Variants in DOCK11 observed in about 807,000 individuals in gnomAD.
DOCK11 encodes dedicator of cytokinesis protein 11.
A neutral mutation model predicts 169.1 loss-of-function variants in DOCK11; 70 were observed. That is an observed-to-expected ratio of 0.41 (90% CI 0.34 to 0.51). DOCK11 has a LOEUF of 0.51. DOCK11 is among the 20% of genes least tolerant of loss of function. DOCK11 has a pLI of 0.10. For missense variants in DOCK11, 1,166 were observed against 1,538.8 expected, an observed-to-expected ratio of 0.76 and a Z score of 4.05; for synonymous variants, 529 against 541.3, an observed-to-expected ratio of 0.98 and a Z score of 0.32.
At chrX:118,648,025 A>G (rs2015811313) in intron 40 of DOCK11, among the ~76,000 whole-genome samples, 1 of 55,006 alleles carries the variant, frequency 1.8e-5, no homozygotes, top group Non-Finnish European at 3.1e-5. Flanking sequence ...AATATAAATT[A>G]TAATATTATA....
At chrX:118,526,410 G>A (rs949360708) in intron 1 of DOCK11, among the ~76,000 whole-genome samples, 3 of 112,405 alleles carry the variant, frequency 2.7e-5, no homozygotes, top group African/African-American at 9.7e-5. Context: ...AGGAACTCTG[G>A]CCAAGGGTCC....
chrX:118,509,232 G>T (rs1250326190), intron 1 of DOCK11, among the ~76,000 whole-genome samples: 1 of 110,546 alleles, frequency 9.0e-6, no homozygotes, highest in Non-Finnish European at 1.9e-5. Flanking sequence ...ATATGACTGA[G>T]CCCAGCACAG....
chrX:118,674,107 G>C (rs1283278686), intron 46 of DOCK11, among the ~76,000 whole-genome samples: 1 of 111,808 alleles, frequency 8.9e-6, no homozygotes, highest in Non-Finnish European at 1.9e-5. Context: ...TACTCAGCCT[G>C]TGATATTATA....
chrX:118,513,439 C>T (rs1036519251), intron 1 of DOCK11, among the ~76,000 whole-genome samples: 3 of 111,462 alleles, frequency 2.7e-5, no homozygotes, highest in African/African-American at 9.8e-5. Flanking sequence ...GAGGTTCTAT[C>T]TGGAATTATG....
chrX:118,546,201 G>C, intron 6 of DOCK11, 85 bp downstream of exon 6: 13 of 53,103 alleles, frequency 2.4e-4, no homozygotes, highest in East Asian at 1.0e-3. Context: ...ATTTTACAAA[G>C]AGCCCTAGCA....
At chrX:118,599,930 G>C (rs2014282603) in intron 23 of DOCK11, among the ~76,000 whole-genome samples, 1 of 112,156 alleles carries the variant, frequency 8.9e-6, no homozygotes, top group East Asian at 2.8e-4. Flanking sequence ...TTCTTTCAGA[G>C]AGGTAGTATG....
At chrX:118,590,396 C>A in intron 19 of DOCK11, 94 bp downstream of exon 19, 1 of 723,399 alleles carries the variant, frequency 1.4e-6, no homozygotes, top group Non-Finnish European at 2.1e-6. Context: ...CACTTTCAAT[C>A]CCTGAGTGTT....
chrX:118,545,517 G>T, intron 5 of DOCK11, 125 bp downstream of exon 5: 2 of 526,830 alleles, frequency 3.8e-6, no homozygotes, highest in Non-Finnish European at 5.7e-6. Context: ...AATGATCTGT[G>T]GCCAGCTTTC....
chrX:118,577,215 C>T, intron 12 of DOCK11, among the ~76,000 whole-genome samples: 1 of 112,275 alleles, frequency 8.9e-6, no homozygotes, highest in Non-Finnish European at 1.9e-5. Flanking sequence ...ACTCAAGGTG[C>T]ACTGCTCAGC....
chrX:118,590,490 A>AC (rs2013959463), intron 19 of DOCK11, among the ~76,000 whole-genome samples, 188 bp downstream of exon 19: 1 of 110,668 alleles, frequency 9.0e-6, no homozygotes, highest in Non-Finnish European at 1.9e-5. Flanking sequence ...TAGAAGATTT[A>AC]CCCCCCAATT....
intron 12 of DOCK11, among the ~76,000 whole-genome samples, chrX:118,576,574 T>C (rs999565846): frequency 1.4e-4 from 16 of 111,908 alleles, no homozygotes; most frequent in Non-Finnish European, 1.3e-4. Flanking sequence ...CTCCAAGGGC[T>C]GTGGGGAGGC....
chrX:118,573,733 T>C, intron 11 of DOCK11, 73 bp from the exon 12 acceptor site: 1 of 859,964 alleles, frequency 1.2e-6, no homozygotes, highest in Non-Finnish European at 1.6e-6. Flanking sequence ...AAAACTTATT[T>C]TGCACTTGTG....
intron 45 of DOCK11, among the ~76,000 whole-genome samples, chrX:118,666,508 T>C (rs905194048): frequency 8.9e-6 from 1 of 111,758 alleles, no homozygotes; most frequent in Admixed American, 9.5e-5. Context: ...TACCTTTTTT[T>C]AATCTGGCTT....
intron 39 of DOCK11, among the ~76,000 whole-genome samples, chrX:118,642,013 A>C (rs987784984): frequency 2.7e-5 from 3 of 111,444 alleles, no homozygotes; most frequent in African/African-American, 9.8e-5. Flanking sequence ...GTGCTTTTCA[A>C]AGAGGCTTAT....
At chrX:118,614,863 A>G in intron 29 of DOCK11, 88 bp downstream of exon 29, 3 of 688,171 alleles carry the variant, frequency 4.4e-6, no homozygotes, top group Non-Finnish European at 6.6e-6. Context: ...GGGATTAGGA[A>G]CTGTTGTTTT....
At chrX:118,670,878 G>A (rs903240874) in intron 45 of DOCK11, 145 bp from the exon 46 acceptor site, 9 of 375,497 alleles carry the variant, frequency 2.4e-5, no homozygotes, top group East Asian at 2.4e-4. Context: ...AGAAAATATC[G>A]TCACACAAGT....
intron 10 of DOCK11, among the ~76,000 whole-genome samples, chrX:118,570,475 C>T (rs747144958): frequency 5.3e-5 from 6 of 112,274 alleles, no homozygotes; most frequent in Non-Finnish European, 7.5e-5. Context: ...TGTCTAGTCC[C>T]ACACATTCGC....
intron 16 of DOCK11, 88 bp downstream of exon 16, chrX:118,585,205 C>T (rs764599575): frequency 1.3e-5 from 11 of 856,638 alleles, no homozygotes; most frequent in Non-Finnish European, 1.7e-5. Context: ...GTTTACGTGG[C>T]ATATTAGTTT....
chrX:118,664,481 C>T (rs1415918618), intron 45 of DOCK11, among the ~76,000 whole-genome samples: 1 of 109,865 alleles, frequency 9.1e-6, no homozygotes, highest in Non-Finnish European at 1.9e-5. Flanking sequence ...CATGGCTCTA[C>T]TAAAAATACA....
Sources: allele counts gnomAD v4.1 joint callset (sites outside exome capture counted in the v4.1 genomes callset), GRCh38; gene constraint gnomAD v4.1.1; transcripts MANE v1.5; gene names NCBI Gene and HGNC (gene_info 2026-07-23, HGNC 2026-07-21).